CAST: variants seen among roughly 807,000 people sequenced by gnomAD.
The protein encoded by CAST is calpastatin.
CAST carries 76 observed loss-of-function variants against 119.6 expected under a neutral mutation model. That is an observed-to-expected ratio of 0.64 (90% confidence interval 0.53 to 0.77). The LOEUF is 0.77. Ranked by LOEUF, CAST falls within the 30% of genes least tolerant of loss-of-function variation. The pLI is 0.00. For missense variants in CAST, 953 were observed against 946.5 expected, an observed-to-expected ratio of 1.01 and a Z score of -0.09; for synonymous variants, 319 against 331.6, an observed-to-expected ratio of 0.96 and a Z score of 0.41.
chr5:96,396,303 G>A, the CAST span, among the ~76,000 whole-genome samples: 3 of 152,298 alleles, frequency 2.0e-5, no homozygotes, highest in South Asian at 2.1e-4. Context: ...GCTTACACCT[G>A]TAATCCCACC....
At chr5:95,969,887 G>A in the CAST span, among the ~76,000 whole-genome samples, 3 of 152,122 alleles carry the variant, frequency 2.0e-5, no homozygotes, top group East Asian at 1.9e-4. Context: ...AATTGAGCAA[G>A]TTTTCTGAGG....
At chr5:96,429,436 G>A in the CAST span, 1 of 642,678 alleles carries the variant, frequency 1.6e-6, no homozygotes, top group South Asian at 1.8e-5. Flanking sequence ...CCTGGTATCT[G>A]AAATTAATAT....
the CAST span, among the ~76,000 whole-genome samples, chr5:96,047,505 A>G: frequency 6.6e-6 from 1 of 152,242 alleles, no homozygotes; most frequent in South Asian, 2.1e-4. Context: ...CAAAGAAAAA[A>G]GAAGAGTAGA....
intron 1 of CAST, among the ~76,000 whole-genome samples, chr5:96,568,230 T>C (rs1234897728): frequency 6.6e-6 from 1 of 152,128 alleles, no homozygotes; most frequent in East Asian, 1.9e-4. Context: ...CAAACTGTCA[T>C]ACATTGTTGA....
chr5:96,036,220 G>C, the CAST span, among the ~76,000 whole-genome samples: 1 of 151,722 alleles, frequency 6.6e-6, no homozygotes, highest in Non-Finnish European at 1.5e-5. Flanking sequence ...ACTAATATAA[G>C]AGATGACCTT....
At chr5:96,074,681 A>G in the CAST span, among the ~76,000 whole-genome samples, 1 of 152,212 alleles carries the variant, frequency 6.6e-6, no homozygotes, top group Admixed American at 6.5e-5. Context: ...GAGAAGGCAT[A>G]TTTTACCCTG....
At chr5:96,410,785 C>T in the CAST span, 6 of 1,612,946 alleles carry the variant, frequency 3.7e-6, no homozygotes, top group East Asian at 2.2e-5. Context: ...ATTCTCTGGT[C>T]GGTGTAATCT....
chr5:96,556,033 A>G (rs1344224864), intron 1 of CAST, among the ~76,000 whole-genome samples: 1 of 152,236 alleles, frequency 6.6e-6, no homozygotes, highest in Non-Finnish European at 1.5e-5. Context: ...ACAATCAGGC[A>G]GCAATATTTG....
chr5:96,342,954 G>T, the CAST span, among the ~76,000 whole-genome samples: 1 of 152,144 alleles, frequency 6.6e-6, no homozygotes, highest in Non-Finnish European at 1.5e-5. Context: ...ATTGAGCATT[G>T]AGACAAAAAG....
At chr5:96,027,080 G>A in the CAST span, among the ~76,000 whole-genome samples, 1 of 152,104 alleles carries the variant, frequency 6.6e-6, no homozygotes, top group Non-Finnish European at 1.5e-5. Flanking sequence ...TTAGCTGGGT[G>A]TGGTGGCACA....
chr5:96,601,351 G>A (rs965512241), intron 1 of CAST, among the ~76,000 whole-genome samples: 10 of 152,200 alleles, frequency 6.6e-5, no homozygotes, highest in African/African-American at 2.4e-4. Flanking sequence ...ATCTGCTTTT[G>A]CATGTGCTGC....
chr5:96,175,549 T>C, the CAST span, among the ~76,000 whole-genome samples: 1 of 152,196 alleles, frequency 6.6e-6, no homozygotes, highest in Non-Finnish European at 1.5e-5. Flanking sequence ...GAGATAGACA[T>C]GTAATTTAGA....
intron 3 of CAST, among the ~76,000 whole-genome samples, chr5:96,715,412 G>A (rs1244619907): frequency 6.6e-6 from 1 of 152,096 alleles, no homozygotes; most frequent in Non-Finnish European, 1.5e-5. Context: ...TGATATGAGG[G>A]CAGTCAACTT....
the CAST span, among the ~76,000 whole-genome samples, chr5:96,147,224 GT>G: frequency 6.6e-6 from 1 of 152,130 alleles, no homozygotes; most frequent in Non-Finnish European, 1.5e-5. Flanking sequence ...TTTATTCGTA[GT>G]TTTCTATGTG....
chr5:96,023,604 T>C, the CAST span, among the ~76,000 whole-genome samples: 1 of 152,082 alleles, frequency 6.6e-6, no homozygotes. Context: ...ACCTGTGAAA[T>C]GGGACACAGA....
At chr5:96,478,846 G>T in the CAST span, among the ~76,000 whole-genome samples, 4 of 152,134 alleles carry the variant, frequency 2.6e-5, no homozygotes, top group African/African-American at 7.2e-5. Context: ...CTCGGCCACT[G>T]CATATCTATA....
the CAST span, among the ~76,000 whole-genome samples, chr5:96,273,085 C>T: frequency 4.9e-4 from 75 of 152,240 alleles, no homozygotes; most frequent in Middle Eastern, 3.4e-3. Flanking sequence ...AGCCCTAATG[C>T]TAAGAGAAGG....
the CAST span, among the ~76,000 whole-genome samples, chr5:96,125,981 A>G: frequency 6.6e-6 from 1 of 152,164 alleles, no homozygotes. Flanking sequence ...CAGAGTACTT[A>G]CAGTTATGAT....
the CAST span, among the ~76,000 whole-genome samples, chr5:96,171,932 G>A: frequency 5.4e-5 from 8 of 147,262 alleles, no homozygotes; most frequent in East Asian, 6.4e-4. Context: ...ACCCCCCCAC[G>A]CCCCTGATCC....
Sources: gnomAD v4.1 joint callset for allele counts (sites outside exome capture counted in the v4.1 genomes callset) on GRCh38, gnomAD v4.1.1 for gene constraint, MANE v1.5 for transcripts, NCBI Gene and HGNC (gene_info 2026-07-23, HGNC 2026-07-21) for gene names.